The following ZNF432 variants were observed in gnomAD, a reference collection of about 807,000 sequenced individuals.
The protein encoded by ZNF432 is zinc finger protein 432.
ZNF432 carries 10 observed loss-of-function variants against 13.9 expected under a neutral mutation model. The observed-to-expected ratio is 0.72, with a 90% CI of 0.44 to 1.22. The LOEUF is 1.22. ZNF432 is among the 50% of genes most tolerant of loss of function. The pLI, the probability that ZNF432 is intolerant of heterozygous loss-of-function variation, is 0.00. For missense variants in ZNF432, 793 were observed against 796.2 expected (o/e 1.00, Z 0.05); for synonymous variants, 247 against 256.2 (o/e 0.96, Z 0.34).
rs2087056347 is a variant in ZNF432, at chr19:52,034,685, G to A, written c.994C>T (p.Leu332Phe). The A allele has an allele frequency of 6.2e-7, 1 of 1,613,888 alleles. No homozygotes were observed. Among genetic ancestry groups the A allele is most frequent in the South Asian group, 1.1e-5 (1 of 91,036 alleles). Residue 332 changes from leucine to phenylalanine, a missense_variant, in exon 5 of 5, where the codon CTT becomes TTT. Transcript: ENST00000221315. The stretch of plus-strand genomic sequence containing the variant: ...GTATGAGTTCGCTGATGTATAATAA[G>A]CATGCTCTTCCCAGTGAAGCCTTTT... The part of the protein sequence containing the change: ...CGKGFTGKSM[L>F]IIHQRTHTGE...
intron 2 of ZNF432, among the ~76,000 whole-genome samples, chr19:52,043,005 G>A (rs1257211439): frequency 6.6e-6 from 1 of 152,180 alleles, no homozygotes; most frequent in Non-Finnish European, 1.5e-5. Context: ...GTATGGCCTA[G>A]CCCTGAATGC....
Position 52,034,972 on chromosome 19 carries a change from G to A in ZNF432, c.707C>T (p.Thr236Ile). The change falls in exon 5 of 5, where the codon ACT becomes ATT. Residue 236 changes from threonine to isoleucine, a missense_variant. By Grantham distance (89) the Thr-to-Ile change is moderately conservative. Coordinates refer to ENST00000221315, the MANE Select transcript of ZNF432 (RefSeq NM_014650.4). ...TCTGGAGAACACTTTTGCACACAAA[G>A]TACATCCATAAGGTTTTTCTCCTGT... ...VHTGEKPYGC[T>I]LCAKVFSRKS... 1 of 1,613,340 alleles carries A rather than the reference G, an allele frequency of 6.2e-7. No individual in the cohort carries two copies. Among genetic ancestry groups the A allele is most frequent in the South Asian group, 1.1e-5 (1 of 90,836 alleles).
At chr19:52,038,702 T>C (rs2087107174) in intron 4 of ZNF432, among the ~76,000 whole-genome samples, 1 of 152,250 alleles carries the variant, frequency 6.6e-6, no homozygotes, top group Admixed American at 6.5e-5. Context: ...TGCTCTATGT[T>C]CTCTGTATTC....
At chr19:52,038,919 TA>T (rs2087108906) in intron 4 of ZNF432, among the ~76,000 whole-genome samples, 3 of 152,284 alleles carry the variant, frequency 2.0e-5, no homozygotes, top group Non-Finnish European at 4.4e-5. Flanking sequence ...TGATTTGTGA[TA>T]GGGGCTTTGG....
chr19:52,035,075 CT>C lies in ZNF432; in HGVS notation c.603del (p.Ile201MetfsTer48). On this transcript the variant is annotated frameshift_variant, in exon 5 of 5. Transcript: ENST00000221315. LOFTEE classifies it low-confidence loss of function (END_TRUNC). ...QVSKHQRTHE[I>X]EKNHVCSECG... The stretch of plus-strand genomic sequence containing the variant: ...CATTCACTGCATACGTGGTTTTTTT[CT>C]ATTTCATGAGTTCTCTGATGCTTAC... The C allele has an allele frequency of 1.2e-6, 2 of 1,613,954 alleles. No individual in the cohort carries two copies. Among genetic ancestry groups the C allele is most frequent in the Non-Finnish European group, 8.5e-7 (1 of 1,179,980 alleles).
intron 4 of ZNF432, 118 bp downstream of exon 4, chr19:52,040,370 T>C (rs573934251): frequency 2.3e-6 from 2 of 865,860 alleles, no homozygotes; most frequent in South Asian, 2.7e-5. Context: ...GGGTTTCTTG[T>C]GGAGGGAAAA....
chr19:52,039,209 G>A (rs918336011), intron 4 of ZNF432, among the ~76,000 whole-genome samples: 3 of 152,164 alleles, frequency 2.0e-5, no homozygotes, highest in East Asian at 3.9e-4. Context: ...AAATGACCTG[G>A]CAATTCTACT....
intron 2 of ZNF432, among the ~76,000 whole-genome samples, chr19:52,042,819 A>G (rs2087148231): frequency 6.6e-6 from 1 of 152,250 alleles, no homozygotes; most frequent in Non-Finnish European, 1.5e-5. Flanking sequence ...ACTATTGAAC[A>G]TCAGATGCAC....
chr19:52,048,448 G>T (rs1389018479), intron 1 of ZNF432: 2 of 152,120 alleles, frequency 1.3e-5, no homozygotes, highest in Non-Finnish European at 2.9e-5. Flanking sequence ...CCTGACCTCA[G>T]TACTCTTGGT....
At position 52,047,037 on chromosome 19, in the gene ZNF432, C is replaced by G. The variant is rs2087191397; in HGVS notation, c.-169G>C. The G allele has an allele frequency of 4.5e-6, 3 of 664,050 alleles. No homozygotes were observed. The highest frequency in any genetic ancestry group is 5.3e-5 in the South Asian group (2 of 37,504). The allele number at this position is 664,050 out of a possible 1,614,324, so 41.1% of individuals were successfully genotyped here. On this transcript the variant is annotated 5_prime_UTR_variant, in exon 2 of 5. Transcript: ENST00000221315. ...TTTCTTCATTTACTTCTTGTCTCTT[C>G]CCAGGGTAGCCAGGACCTGTGGACT...
intron 2 of ZNF432, among the ~76,000 whole-genome samples, chr19:52,044,197 G>A (rs138653085): frequency 3.0e-3 from 461 of 152,062 alleles, no homozygotes; most frequent in Non-Finnish European, 5.2e-3. Context: ...TAATGCTGCT[G>A]ATCTCATCAC....
Position 52,034,409 on chromosome 19 carries a change from T to C in ZNF432, c.1270A>G (p.Thr424Ala). ...CTACATAGATATGACTTCTCTACTG[T>C]ATGATTTCTCTGATGTACAATAAGA... ...SNLIVHQRNHTVEKSYLCSEC... is the reference protein window; with the variant it reads ...SNLIVHQRNHAVEKSYLCSEC... Residue 424 changes from threonine (T) to alanine (A), a missense_variant, in exon 5 of 5, where the codon ACA (threonine) becomes GCA (alanine). Transcript: ENST00000221315. 6.2e-7 allele frequency: 1 copy of C among 1,614,058 alleles called. No individual in the cohort carries two copies. Among genetic ancestry groups the C allele is most frequent in the Non-Finnish European group, 8.5e-7 (1 of 1,179,990 alleles).
chr19:52,044,442 T>G (rs2087163924), intron 2 of ZNF432, among the ~76,000 whole-genome samples: 2 of 151,754 alleles, frequency 1.3e-5, no homozygotes, highest in Admixed American at 6.6e-5. Context: ...AAACAGATCA[T>G]AAACAAAGCT....
chr19:52,047,517 A>C (rs754297719), intron 1 of ZNF432, among the ~76,000 whole-genome samples: 20 of 152,148 alleles, frequency 1.3e-4, no homozygotes, highest in Non-Finnish European at 2.6e-4. Context: ...TCTCTACTAA[A>C]AATAGAAAAA....
In ZNF432 at chr19:52,035,215, G is replaced by A. The variant is rs777285542; in HGVS notation, c.464C>T (p.Ser155Phe). The A allele has an allele frequency of 6.2e-7, 1 of 1,610,144 alleles. No homozygotes were observed. Among genetic ancestry groups the A allele is most frequent in the Non-Finnish European group, 8.5e-7 (1 of 1,179,038 alleles). ...NQNKSCEINN[S>F]TKFSGDGKSF... ...TTTCCCATCTCCACTAAATTTAGTA[G>A]AGTTGTTAATTTCACAGCTTTTGTT... Residue 155 changes from serine to phenylalanine, a missense_variant, in exon 5 of 5, where the codon TCT (serine) becomes TTT (phenylalanine). By Grantham distance (155) the Ser-to-Phe change is radical (BLOSUM62 -2). Coordinates refer to ENST00000221315, the MANE Select transcript of ZNF432 (RefSeq NM_014650.4).
At chr19:52,044,048 G>A (rs149054527) in intron 2 of ZNF432, among the ~76,000 whole-genome samples, 4,340 of 151,474 alleles carry the variant, frequency 0.029, 208 homozygotes, top group African/African-American at 0.096. Flanking sequence ...CAAGTCTCTC[G>A]TTCCACCTTA....
At chr19:52,039,095 C>A (rs2087110334) in intron 4 of ZNF432, among the ~76,000 whole-genome samples, 1 of 152,220 alleles carries the variant, frequency 6.6e-6, no homozygotes, top group Admixed American at 6.5e-5. Context: ...CCCTAGTTGT[C>A]AATACTCTGT....
chr19:52,041,723 G>A, intron 2 of ZNF432, 117 bp from the exon 3 acceptor site: 1 of 1,205,914 alleles, frequency 8.3e-7, no homozygotes, highest in South Asian at 1.5e-5. Flanking sequence ...CCATCTATAA[G>A]TCTATTGTAT....
chr19:52,048,648 GA>G (rs1413339450), intron 1 of ZNF432, 46 bp downstream of exon 1: 1 of 134,270 alleles, frequency 7.4e-6, no homozygotes, highest in Non-Finnish European at 1.5e-5. Context: ...GACGCCCTCA[GA>G]AAGCTCCCTC....
Sources: gnomAD v4.1 joint callset for allele counts (sites outside exome capture counted in the v4.1 genomes callset) on GRCh38, gnomAD v4.1.1 for gene constraint, MANE v1.5 for transcripts, NCBI Gene and HGNC (gene_info 2026-07-23, HGNC 2026-07-21) for gene names.